The following PPP1R1C variants were observed in gnomAD, a reference collection of about 807,000 sequenced individuals.
PPP1R1C encodes the protein protein phosphatase 1 regulatory subunit 1C.
PPP1R1C carries 15 observed loss-of-function variants against 17.4 expected under a neutral mutation model. The ratio of observed to expected loss-of-function variants is 0.86; its 90% CI spans 0.58 to 1.33. The LOEUF is 1.33. Among genes scored for constraint, PPP1R1C ranks in the 40% most tolerant of loss-of-function variants. The pLI is 0.00. For missense variants in PPP1R1C, 143 were observed against 130.0 expected (o/e 1.10, Z -0.48); for synonymous variants, 35 against 43.1 (o/e 0.81, Z 0.73).
At chr2:181,998,228 C>T (rs550430920) in intron 2 of PPP1R1C, among the ~76,000 whole-genome samples, 1 of 152,296 alleles carries the variant, frequency 6.6e-6, no homozygotes, top group South Asian at 2.1e-4. Context: ...GGTTGTGTTG[C>T]TGGAATCAAG....
chr2:181,970,476 C>G (rs1684986700), intron 1 of PPP1R1C, among the ~76,000 whole-genome samples: 1 of 152,152 alleles, frequency 6.6e-6, no homozygotes, highest in Admixed American at 6.5e-5. Context: ...CTTCTCTTCT[C>G]TTACATTTCC....
intron 5 of PPP1R1C, among the ~76,000 whole-genome samples, chr2:182,127,657 CTAA>C (rs1405135644): frequency 6.6e-6 from 1 of 152,082 alleles, no homozygotes; most frequent in Non-Finnish European, 1.5e-5. Flanking sequence ...AAATCTTGAA[CTAA>C]TGTCTCGTAG....
In PPP1R1C at chr2:181,962,284, C is replaced by T. The variant is rs1242889955; in HGVS notation, n.111+7650C>T. 5.3e-6 allele frequency: 4 copies of T among 747,874 alleles called. No homozygotes were observed. The highest frequency in any genetic ancestry group is 9.3e-6 in the Non-Finnish European group (4 of 427,988). 46.3% of individuals were successfully genotyped at this position (747,874 alleles called of 1,614,324 possible). On this transcript the variant is annotated intron_variant and non_coding_transcript_variant, in intron 1 of 5. Coordinates refer to the PPP1R1C transcript ENST00000464264. The surrounding 1 kb of genome is among the most constrained non-coding windows in gnomAD (Gnocchi z 6.0). ...TTCCTGCCAGACCCCCGGCCATCCC[C>T]GCGGCCAGGTCCCCGGACCCCATGC...
intron 4 of PPP1R1C, among the ~76,000 whole-genome samples, chr2:182,116,563 T>C (rs1348986528): frequency 6.6e-6 from 1 of 152,122 alleles, no homozygotes; most frequent in African/African-American, 2.4e-5. Flanking sequence ...AGGTTAGTGT[T>C]GTTAAGTGTA....
intron 2 of PPP1R1C, among the ~76,000 whole-genome samples, chr2:182,037,844 T>C (rs1425976835): frequency 6.6e-6 from 1 of 152,034 alleles, no homozygotes; most frequent in Non-Finnish European, 1.5e-5. Context: ...TAAAAGCAAA[T>C]CACTTCCTCA....
upstream of PPP1R1C, among the ~76,000 whole-genome samples, chr2:181,985,400 G>A (rs1235342339): frequency 2.0e-5 from 3 of 152,168 alleles, no homozygotes; most frequent in African/African-American, 7.2e-5. This position sits in a 1 kb window ranked among gnomAD's most constrained non-coding sequence, Gnocchi z 4.1. Flanking sequence ...ACTAAGATCT[G>A]CTCAGCCCTG....
intron 2 of PPP1R1C, among the ~76,000 whole-genome samples, chr2:182,053,882 G>C (rs906160390): frequency 7.2e-5 from 11 of 152,070 alleles, no homozygotes; most frequent in African/African-American, 2.4e-4. Context: ...CCAGGTTCAA[G>C]TGATTCTCCT....
intron 4 of PPP1R1C, among the ~76,000 whole-genome samples, chr2:182,082,969 T>C (rs1307491648): frequency 6.6e-6 from 1 of 152,034 alleles, no homozygotes; most frequent in Non-Finnish European, 1.5e-5. Flanking sequence ...ATACAGATAT[T>C]TGGGAACACT....
intron 2 of PPP1R1C, among the ~76,000 whole-genome samples, chr2:181,992,144 G>A (rs984787075): frequency 6.6e-6 from 1 of 152,050 alleles, no homozygotes; most frequent in Non-Finnish European, 1.5e-5. Context: ...CCTGAGACTC[G>A]CTCCATTTTA....
Position 181,979,133 on chromosome 2 carries a change from G to A in PPP1R1C, n.157+3869G>A, listed in dbSNP as rs570801752. On this transcript the variant is annotated intron_variant and non_coding_transcript_variant, in intron 2 of 5. Coordinates refer to the PPP1R1C transcript ENST00000464264. ...TAATTTTAACAATGAGAAAATGTAA[G>A]GAGTATTTCCATCTAGATAACATAC... Among the ~76,000 whole-genome samples the A allele has an allele frequency of 2.6e-5, 4 of 152,258 alleles. No homozygotes were observed. The East Asian group carries it at 7.7e-4, about 29-fold the overall frequency.
At chr2:181,964,797 C>G (rs964717500) in intron 1 of PPP1R1C, among the ~76,000 whole-genome samples, 14 of 152,134 alleles carry the variant, frequency 9.2e-5, no homozygotes, top group African/African-American at 3.1e-4. Flanking sequence ...CATCCGCCTC[C>G]CGGGTTCAAG....
intron 4 of PPP1R1C, among the ~76,000 whole-genome samples, chr2:182,073,433 T>G (rs1688197293): frequency 6.6e-6 from 1 of 152,252 alleles, no homozygotes; most frequent in Admixed American, 6.5e-5. Context: ...ATTCATTCAC[T>G]GACTCACACC....
At chr2:181,958,808 G>T (rs912323965) in intron 1 of PPP1R1C, among the ~76,000 whole-genome samples, 1 of 152,210 alleles carries the variant, frequency 6.6e-6, no homozygotes, top group African/African-American at 2.4e-5. Context: ...CTAGAGGGTG[G>T]TCATTCTTTT....
At chr2:182,008,282 C>T (rs548405623) in intron 2 of PPP1R1C, among the ~76,000 whole-genome samples, 1 of 152,124 alleles carries the variant, frequency 6.6e-6, no homozygotes, top group African/African-American at 2.4e-5. Context: ...AGGACCCTTC[C>T]ATCTTTAACA....
intron 4 of PPP1R1C, among the ~76,000 whole-genome samples, chr2:182,068,118 GTGTT>G (rs1251315590): frequency 6.6e-6 from 1 of 152,060 alleles, no homozygotes. Flanking sequence ...TTGCTTTAGT[GTGTT>G]TGGGCCTGAC....
In PPP1R1C at chr2:181,985,919, T is replaced by A. The variant is rs1478543320; in HGVS notation, c.-192T>A. ...GGTGGGGGAACAGGCAAGCCAGGCATCACCGTGGATGTTGAAGAAGGGGGT... is the reference window on the plus strand; with the variant it reads ...GGTGGGGGAACAGGCAAGCCAGGCAACACCGTGGATGTTGAAGAAGGGGGT... On this transcript the variant is annotated 5_prime_UTR_variant, in exon 1 of 5. Transcript: ENST00000682840. The surrounding 1 kb of genome is among the most constrained non-coding windows in gnomAD (Gnocchi z 4.1). 9.9e-6 allele frequency: 6 copies of A among 607,782 alleles called. No homozygotes were observed. The East Asian group carries it at 1.4e-4, about 14-fold the overall frequency. 37.6% of individuals were successfully genotyped at this position (607,782 alleles called of 1,614,324 possible).
At chr2:182,093,847 T>C (rs1688856032) in intron 4 of PPP1R1C, among the ~76,000 whole-genome samples, 1 of 152,222 alleles carries the variant, frequency 6.6e-6, no homozygotes, top group Non-Finnish European at 1.5e-5. Flanking sequence ...GTCAAAGCCA[T>C]TCAACAAGCC....
intron 2 of PPP1R1C, among the ~76,000 whole-genome samples, chr2:182,002,928 C>CCG (rs1553502160): frequency 7.1e-5 from 4 of 56,138 alleles, no homozygotes; most frequent in South Asian, 9.5e-4. Context: ...ATGCCATAAA[C>CCG]CTCCCCCCCC....
At chr2:182,037,770 A>C (rs1282677145) in intron 2 of PPP1R1C, among the ~76,000 whole-genome samples, 1 of 152,164 alleles carries the variant, frequency 6.6e-6, no homozygotes, top group African/African-American at 2.4e-5. Flanking sequence ...AATTTGAAGC[A>C]AAATCTATTA....
Sources: gnomAD v4.1 joint callset for allele counts (sites outside exome capture counted in the v4.1 genomes callset) on GRCh38, gnomAD v4.1.1 for gene constraint, Gnocchi (gnomAD v3.1) non-coding constraint, MANE v1.5 for transcripts, NCBI Gene and HGNC (gene_info 2026-07-23, HGNC 2026-07-21) for gene names.